The following EXOC2 variants were observed in gnomAD, a reference collection of about 807,000 sequenced individuals.
The protein encoded by EXOC2 is exocyst complex component 2.
In EXOC2, 70 loss-of-function variants were observed where a neutral mutation model predicts 131.8. The ratio of observed to expected loss-of-function variants is 0.53; its 90% confidence interval spans 0.44 to 0.65. EXOC2 has a LOEUF of 0.65. EXOC2 is among the 30% of genes least tolerant of loss of function. The pLI is 0.00. For synonymous variants in EXOC2, 411 were observed against 398.4 expected, an observed-to-expected ratio of 1.03 and a Z score of -0.38; for missense variants, 923 against 1,108.6, an observed-to-expected ratio of 0.83 and a Z score of 2.38.
chr6:629,222 GGC>G (rs1761726061), intron 4 of EXOC2, among the ~76,000 whole-genome samples: 1 of 152,168 alleles, frequency 6.6e-6, no homozygotes, highest in African/African-American at 2.4e-5. Flanking sequence ...GAAGCACTAA[GGC>G]CAGAAGATAA....
chr6:509,190 T>C (rs1764720701), intron 23 of EXOC2, among the ~76,000 whole-genome samples: 1 of 152,260 alleles, frequency 6.6e-6, no homozygotes, highest in South Asian at 2.1e-4. Flanking sequence ...AGCATGGATG[T>C]ATCATAATCT....
At chr6:489,356 G>A (rs1186075841) in intron 26 of EXOC2, among the ~76,000 whole-genome samples, 1 of 152,150 alleles carries the variant, frequency 6.6e-6, no homozygotes, top group Non-Finnish European at 1.5e-5. Flanking sequence ...TAATTTAAAA[G>A]GAGTCTTTTC....
intron 7 of EXOC2, among the ~76,000 whole-genome samples, chr6:605,477 AGTT>A (rs1424466142): frequency 1.3e-5 from 2 of 152,162 alleles, no homozygotes; most frequent in Non-Finnish European, 2.9e-5. Flanking sequence ...TAGATTTTCT[AGTT>A]CATTTGCGTA....
At chr6:623,351 T>C (rs1761391160) in intron 4 of EXOC2, among the ~76,000 whole-genome samples, 1 of 152,158 alleles carries the variant, frequency 6.6e-6, no homozygotes, top group Admixed American at 6.5e-5. Context: ...ACTACATCTC[T>C]TGGTCAAAAT....
chr6:486,524 T>C lies in EXOC2; in HGVS notation c.*147A>G. The stretch of plus-strand genomic sequence containing the variant: ...AAATGAGGTCATTTTGGTTGAAATG[T>C]ATACCAACAATTTTCGAAGTCAGAG... On this transcript the variant is annotated 3_prime_UTR_variant, in exon 28 of 28. Transcript: ENST00000230449. 2 of 662,442 alleles carry C rather than the reference T, an allele frequency of 3.0e-6. No homozygotes were observed. The highest frequency in any genetic ancestry group is 5.2e-6 in the Non-Finnish European group (2 of 383,488). The allele number at this position is 662,442 out of a possible 1,614,324, so 41.0% of individuals were successfully genotyped here. A position where few individuals can be genotyped will look rare whatever the true frequency, so the allele number is the denominator to read the frequency against.
At chr6:603,646 T>TGCCA (rs1220105407) in intron 7 of EXOC2, among the ~76,000 whole-genome samples, 4 of 152,320 alleles carry the variant, frequency 2.6e-5, no homozygotes, top group Non-Finnish European at 5.9e-5. Context: ...GTGAAATATT[T>TGCCA]GCCAGCCAGC....
At chr6:688,150 G>A (rs375230779) in intron 1 of EXOC2, among the ~76,000 whole-genome samples, 5 of 152,206 alleles carry the variant, frequency 3.3e-5, no homozygotes, top group African/African-American at 1.2e-4. Flanking sequence ...TAGGTGGCAA[G>A]ACCGCTTGCT....
chr6:499,865 T>C (rs992450270), intron 23 of EXOC2, among the ~76,000 whole-genome samples, 165 bp from the exon 24 acceptor site: 1 of 152,104 alleles, frequency 6.6e-6, no homozygotes, highest in Non-Finnish European at 1.5e-5. Flanking sequence ...AGTATTTCCA[T>C]ACAGGTCAAA....
intron 23 of EXOC2, among the ~76,000 whole-genome samples, chr6:505,857 G>A (rs1004935053): frequency 6.6e-6 from 1 of 152,240 alleles, no homozygotes; most frequent in African/African-American, 2.4e-5. Flanking sequence ...ACAAAGGAAG[G>A]CAAAGACCAT....
chr6:637,143 G>A (rs2073005), intron 2 of EXOC2, among the ~76,000 whole-genome samples: 107,460 of 151,926 alleles, frequency 0.71, 38,640 homozygotes, highest in Middle Eastern at 0.86. Context: ...CTTAAACTCC[G>A]CTAGAAAAGA....
chr6:633,972 A>G (rs910086318), intron 2 of EXOC2, among the ~76,000 whole-genome samples: 2 of 152,164 alleles, frequency 1.3e-5, no homozygotes, highest in Admixed American at 1.3e-4. Flanking sequence ...TACTTCCTTT[A>G]GATTTTCCAT....
At chr6:638,056 T>C (rs181513055) in intron 1 of EXOC2, among the ~76,000 whole-genome samples, 195 bp from the exon 2 acceptor site, 12 of 152,264 alleles carry the variant, frequency 7.9e-5, no homozygotes, top group East Asian at 5.8e-4. Context: ...CTGGTTAGTA[T>C]TGCAAGAAAG....
At chr6:688,701 G>A (rs145699228) in intron 1 of EXOC2, among the ~76,000 whole-genome samples, 3 of 152,186 alleles carry the variant, frequency 2.0e-5, no homozygotes, top group Non-Finnish European at 4.4e-5. Flanking sequence ...GTCCTTTCTG[G>A]TTACTGTTAG....
intron 10 of EXOC2, among the ~76,000 whole-genome samples, chr6:597,032 A>G (rs1296787514): frequency 6.6e-6 from 1 of 152,234 alleles, no homozygotes; most frequent in East Asian, 1.9e-4. Context: ...AGATTTGATT[A>G]CCATGTCCAT....
At chr6:625,169 G>A (rs534568327) in intron 4 of EXOC2, among the ~76,000 whole-genome samples, 7 of 152,194 alleles carry the variant, frequency 4.6e-5, no homozygotes, top group Non-Finnish European at 1.0e-4. Flanking sequence ...TGGACTGAGC[G>A]AAGAGACACA....
In EXOC2 at chr6:554,070, T is replaced by G. The variant is rs1459144986; in HGVS notation, c.2055-150A>C. 13 of 664,764 alleles carry G rather than the reference T, an allele frequency of 2.0e-5. No individual in the cohort carries two copies. In the East Asian group the frequency reaches 3.6e-4, roughly 18 times the overall value. 41.2% of individuals were successfully genotyped at this position (664,764 alleles called of 1,614,324 possible). A position where few individuals can be genotyped will look rare whatever the true frequency, so the allele number is the denominator to read the frequency against. ...CTTTTTTTTTTTTGAGATGAAGTCT[T>G]GCTCTTGTCCCCCAGGCTGGAGTGC... On this transcript the variant is annotated intron_variant, in intron 20 of 27. Transcript: ENST00000230449.
At chr6:526,632 G>T (rs1425594637) in intron 23 of EXOC2, among the ~76,000 whole-genome samples, 1 of 151,558 alleles carries the variant, frequency 6.6e-6, no homozygotes, top group African/African-American at 2.4e-5. Context: ...TAGAGATGGG[G>T]TTTCTCCATT....
At chr6:572,703 G>C in intron 12 of EXOC2, 59 bp from the exon 13 acceptor site, 1 of 1,574,102 alleles carries the variant, frequency 6.4e-7, no homozygotes, top group Middle Eastern at 1.9e-4. Context: ...AAACACCTTT[G>C]AGCATATTGG....
At chr6:531,108 C>G (rs1191531015) in intron 23 of EXOC2, among the ~76,000 whole-genome samples, 1 of 152,118 alleles carries the variant, frequency 6.6e-6, no homozygotes, top group Non-Finnish European at 1.5e-5. Flanking sequence ...GAATGAGCCT[C>G]CTCGAAGGTT....
Sources: gnomAD v4.1 joint callset for allele counts (sites outside exome capture counted in the v4.1 genomes callset) on GRCh38, gnomAD v4.1.1 for gene constraint, MANE v1.5 for transcripts, NCBI Gene and HGNC (gene_info 2026-07-23, HGNC 2026-07-21) for gene names.